Variants in PALM observed in about 807,000 individuals in gnomAD.
PALM encodes paralemmin-1.
Under a neutral mutation model 30.7 loss-of-function variants are expected in PALM, and 18 were observed. The observed-to-expected ratio is 0.59, with a 90% CI of 0.41 to 0.87. PALM has a LOEUF of 0.87. PALM is among the 40% of genes least tolerant of loss of function. The pLI, the probability that PALM is intolerant of heterozygous loss-of-function variation, is 0.00. For synonymous variants in PALM, 286 were observed against 242.8 expected (o/e 1.18, Z -1.66); for missense variants, 529 against 555.4 (o/e 0.95, Z 0.48).
In PALM at chr19:746,172, A is replaced by T; in HGVS notation, c.635-113A>T. Reference sequence around the variant, plus strand: ...TAATCTAGTTCGTGATTTCCTCTTTAGCCTGGAGGAGGATACAAGCCTTGC... The same window carrying T: ...TAATCTAGTTCGTGATTTCCTCTTTTGCCTGGAGGAGGATACAAGCCTTGC... On this transcript the variant is annotated intron_variant, in intron 8 of 8. Transcript: ENST00000338448. This position sits in a 1 kb window ranked among gnomAD's most constrained non-coding sequence, Gnocchi z 7.1. 1 of 739,286 alleles carries T rather than the reference A, an allele frequency of 1.4e-6. No individual in the cohort carries two copies. Among genetic ancestry groups the T allele is most frequent in the Non-Finnish European group, 2.3e-6 (1 of 439,304 alleles). The allele number at this position is 739,286 out of a possible 1,614,324, so 45.8% of individuals were successfully genotyped here. A position where few individuals can be genotyped will look rare whatever the true frequency, so the allele number is the denominator to read the frequency against.
chr19:711,905 T>C (rs569512854), intron 1 of PALM, among the ~76,000 whole-genome samples: 46 of 151,854 alleles, frequency 3.0e-4, no homozygotes, highest in African/African-American at 1.1e-3. Context: ...CAGCATTGCA[T>C]GGGAAGGTGG....
intron 1 of PALM, among the ~76,000 whole-genome samples, chr19:718,455 G>C (rs1343235320): frequency 6.6e-6 from 1 of 152,172 alleles, no homozygotes; most frequent in Non-Finnish European, 1.5e-5. Context: ...CTCTGCAGCA[G>C]GGTTTGCCCT....
At position 709,354 on chromosome 19, in the gene PALM, G is replaced by T. The variant is rs1234698811; in HGVS notation, c.5+203G>T. Among the ~76,000 whole-genome samples, 1 of 151,450 alleles carries T rather than the reference G, an allele frequency of 6.6e-6. No individual in the cohort carries two copies. Among genetic ancestry groups the T allele is most frequent in the Non-Finnish European group, 1.5e-5 (1 of 67,788 alleles). The stretch of plus-strand genomic sequence containing the variant: ...CCTGCCGGGAGGCCTCCCCGCTCCC[G>T]GACCCCGGCTGCCCACCCACCGGCG... On this transcript the variant is annotated intron_variant, in intron 1 of 8. Transcript: ENST00000338448. The surrounding 1 kb of genome is among the most constrained non-coding windows in gnomAD (Gnocchi z 4.3).
At chr19:722,139 C>G (rs922915344) in intron 1 of PALM, among the ~76,000 whole-genome samples, 1 of 150,966 alleles carries the variant, frequency 6.6e-6, no homozygotes, top group East Asian at 2.0e-4. Flanking sequence ...AGGATGGTCT[C>G]GATCTCCTGA....
chr19:724,401 A>C (rs895183207), intron 1 of PALM, among the ~76,000 whole-genome samples: 3 of 149,450 alleles, frequency 2.0e-5, no homozygotes, highest in Non-Finnish European at 4.5e-5. Context: ...GGCTCATGCA[A>C]CCTCTGCCTC....
In PALM at chr19:746,165, C is replaced by T. The variant is rs1289383311; in HGVS notation, c.635-120C>T. 5.6e-6 allele frequency: 4 copies of T among 710,542 alleles called. No individual in the cohort carries two copies. Among genetic ancestry groups the T allele is most frequent in the Non-Finnish European group, 9.6e-6 (4 of 418,450 alleles). The allele number at this position is 710,542 out of a possible 1,614,324, so 44.0% of individuals were successfully genotyped here. ...GACGGTGTAATCTAGTTCGTGATTTCCTCTTTAGCCTGGAGGAGGATACAA... is the reference window on the plus strand; with the variant it reads ...GACGGTGTAATCTAGTTCGTGATTTTCTCTTTAGCCTGGAGGAGGATACAA... On this transcript the variant is annotated intron_variant, in intron 8 of 8. Transcript: ENST00000338448. This position sits in a 1 kb window ranked among gnomAD's most constrained non-coding sequence, Gnocchi z 7.1.
At chr19:719,847 C>T (rs1050785635) in intron 1 of PALM, among the ~76,000 whole-genome samples, 1 of 152,150 alleles carries the variant, frequency 6.6e-6, no homozygotes, top group African/African-American at 2.4e-5. Flanking sequence ...ATGGGGCTGA[C>T]CCGGCCGCAG....
intron 1 of PALM, among the ~76,000 whole-genome samples, chr19:725,333 C>A (rs920182089): frequency 6.8e-6 from 1 of 146,206 alleles, no homozygotes; most frequent in Non-Finnish European, 1.5e-5. Flanking sequence ...CCAAGGCGGG[C>A]GGATCACCTG....
In PALM at chr19:746,650, G is replaced by A. The variant is rs780220977; in HGVS notation, c.1000G>A (p.Ala334Thr). The change falls in exon 9 of 9, where the codon GCG becomes ACG. Residue 334 changes from alanine (A) to threonine (T), a missense_variant. By Grantham distance (58) the Ala-to-Thr change is moderately conservative. Transcript: ENST00000338448. This position sits in a 1 kb window ranked among gnomAD's most constrained non-coding sequence, Gnocchi z 7.1. ...GGCGGAGCTGGTGGTCATCGAAGAC[G>A]CGGCTGAGCCCAAGGAGCCTGCACC... ...ITAELVVIED[A>T]AEPKEPAPPN... 8 of 1,612,272 alleles carry A rather than the reference G, an allele frequency of 5.0e-6. No homozygotes were observed. The highest frequency in any genetic ancestry group is 4.5e-5 in the East Asian group (2 of 44,848).
At chr19:738,470 G>T (rs1360964074) in intron 7 of PALM, among the ~76,000 whole-genome samples, 1 of 151,974 alleles carries the variant, frequency 6.6e-6, no homozygotes, top group Non-Finnish European at 1.5e-5. Context: ...AGATTGCAGT[G>T]ATCTGAGATC....
At chr19:720,427 C>T (rs1319878749) in intron 1 of PALM, among the ~76,000 whole-genome samples, 5 of 109,290 alleles carry the variant, frequency 4.6e-5, no homozygotes, top group Admixed American at 8.9e-5. Context: ...AGGGGGGCGC[C>T]GGGTCTGGGG....
chr19:746,621 T>C lies in PALM; in HGVS notation c.971T>C (p.Ile324Thr). 1 of 1,613,006 alleles carries C rather than the reference T, an allele frequency of 6.2e-7. No individual in the cohort carries two copies. Among genetic ancestry groups the C allele is most frequent in the Non-Finnish European group, 8.5e-7 (1 of 1,179,844 alleles). ...AAGGTGCTGGGCCTTCAAGATACCATCACGGCGGAGCTGGTGGTCATCGAA... is the reference window on the plus strand; with the variant it reads ...AAGGTGCTGGGCCTTCAAGATACCACCACGGCGGAGCTGGTGGTCATCGAA... ...TKKVLGLQDTITAELVVIEDA... is the reference protein window; with the variant it reads ...TKKVLGLQDTTTAELVVIEDA... Residue 324 changes from isoleucine (I) to threonine (T), a missense_variant, in exon 9 of 9, where the codon ATC becomes ACC. Transcript: ENST00000338448. The surrounding 1 kb of genome is among the most constrained non-coding windows in gnomAD (Gnocchi z 7.1).
At position 719,519 on chromosome 19, in the gene PALM, G is replaced by A. The variant is rs1260721854; in HGVS notation, c.6-6619G>A. ...CTCCAGGGGCTCTGCGCGGCTGCCG[G>A]GAGCCAGGGAGGCTCGGAGACCCAG... On this transcript the variant is annotated intron_variant, in intron 1 of 8. Transcript: ENST00000338448. 2.1e-5 allele frequency: 21 copies of A among 985,338 alleles called. 1 individual carries two copies. In the South Asian group the frequency reaches 8.4e-4, roughly 40 times the overall value. 61.0% of individuals were successfully genotyped at this position (985,338 alleles called of 1,614,324 possible). A position where few individuals can be genotyped will look rare whatever the true frequency, so the allele number is the denominator to read the frequency against.
chr19:734,492 C>T, intron 6 of PALM: 1 of 425,346 alleles, frequency 2.4e-6, no homozygotes, highest in Non-Finnish European at 4.3e-6. Flanking sequence ...TCGCTTGAGC[C>T]CAGGAGTTCA....
chr19:733,768 C>T (rs943805626), intron 5 of PALM, among the ~76,000 whole-genome samples: 5 of 152,124 alleles, frequency 3.3e-5, no homozygotes, highest in Non-Finnish European at 5.9e-5. Flanking sequence ...GGGTGGATCA[C>T]CTGAGGTCAG....
intron 8 of PALM, among the ~76,000 whole-genome samples, chr19:744,525 C>CT (rs2033282162): frequency 6.6e-6 from 1 of 151,964 alleles, no homozygotes; most frequent in Non-Finnish European, 1.5e-5. Context: ...ATGAATGAAA[C>CT]TTTAACTCAA....
In PALM at chr19:742,306, T is replaced by C. The variant is rs551767590; in HGVS notation, c.634+1823T>C. On this transcript the variant is annotated intron_variant, in intron 8 of 8. Coordinates refer to ENST00000338448, the MANE Select transcript of PALM (RefSeq NM_002579.3). The surrounding 1 kb of genome is among the most constrained non-coding windows in gnomAD (Gnocchi z 5.5). ...GGATTGGCCTGTCCTGGACATTTCA[T>C]AGAAATGAGATCACACGGCCGGGTG... Among the ~76,000 whole-genome samples the C allele has an allele frequency of 3.3e-5, 5 of 152,158 alleles. No homozygotes were observed. In the South Asian group the frequency reaches 1.0e-3, roughly 32 times the overall value.
chr19:713,044 A>G (rs1467721626), intron 1 of PALM, among the ~76,000 whole-genome samples: 1 of 152,156 alleles, frequency 6.6e-6, no homozygotes. Context: ...CCAGTGGCAC[A>G]TGTAAGGACA....
Position 727,653 on chromosome 19 carries a change from C to A in PALM, c.228C>A (p.Asp76Glu). 1 of 1,569,472 alleles carries A rather than the reference C, an allele frequency of 6.4e-7. No individual in the cohort carries two copies. Among genetic ancestry groups the A allele is most frequent in the Non-Finnish European group, 8.6e-7 (1 of 1,157,114 alleles). Residue 76 changes from aspartate (D) to glutamate (E), a missense_variant, in exon 4 of 9, where the codon GAC becomes GAA. By Grantham distance (45) the Asp-to-Glu change is conservative (BLOSUM62 2). Coordinates refer to ENST00000338448, the MANE Select transcript of PALM (RefSeq NM_002579.3). ...AGGACCTGAGGAGGCAGATGCAGGA[C>A]GACGAGCAGAAGACACGGCTGCTGG... Reference protein sequence around the residue: ...GDEDLRRQMQDDEQKTRLLED... With the variant: ...GDEDLRRQMQEDEQKTRLLED...
Sources: allele counts gnomAD v4.1 joint callset (sites outside exome capture counted in the v4.1 genomes callset), GRCh38; gene constraint gnomAD v4.1.1; non-coding constraint Gnocchi (gnomAD v3.1); transcripts MANE v1.5; gene names NCBI Gene and HGNC (gene_info 2026-07-23, HGNC 2026-07-21).